The following KIAA1958 variants were observed in gnomAD, a reference collection of about 807,000 sequenced individuals.
The protein encoded by KIAA1958 is KIAA1958, also known as uncharacterized protein KIAA1958.
In KIAA1958, 14 loss-of-function variants were observed where a neutral mutation model predicts 47.2. The observed-to-expected ratio is 0.30, with a 90% CI of 0.20 to 0.46. The LOEUF is 0.46. Among genes scored for constraint, KIAA1958 ranks in the 20% least tolerant of loss-of-function variants. KIAA1958 has a pLI of 1.00. For synonymous variants in KIAA1958, 354 were observed against 353.3 expected, an observed-to-expected ratio of 1.00 and a Z score of -0.02; for missense variants, 803 against 909.2, an observed-to-expected ratio of 0.88 and a Z score of 1.50.
intron 1 of KIAA1958, among the ~76,000 whole-genome samples, chr9:112,513,195 G>A (rs1472534736): frequency 7.1e-6 from 1 of 140,752 alleles, no homozygotes; most frequent in Non-Finnish European, 1.5e-5. Context: ...AGTAGAGACG[G>A]GGTTTCACCA....
chr9:112,605,474 C>T (rs1009485034), intron 2 of KIAA1958, among the ~76,000 whole-genome samples: 4 of 152,078 alleles, frequency 2.6e-5, no homozygotes, highest in Non-Finnish European at 4.4e-5. Context: ...TCAGCCCAGC[C>T]CCTGCCCTTC....
rs1836437391 is a variant in KIAA1958 at position 112,618,061 on chromosome 9, G to A, written c.1172-27589G>A. ...CCTCTTTCTTTGTTGATGCCAGGCA[G>A]AAGGATGGGTCCGAATACGAACCCA... On this transcript the variant is annotated intron_variant, in intron 2 of 3. Coordinates refer to ENST00000337530, the MANE Select transcript of KIAA1958 (RefSeq NM_133465.4). This position sits in a 1 kb window ranked among gnomAD's most constrained non-coding sequence, Gnocchi z 7.1. The A allele has an allele frequency of 6.4e-7, 1 of 1,550,616 alleles. No homozygotes were observed. Among genetic ancestry groups the A allele is most frequent in the Non-Finnish European group, 8.7e-7 (1 of 1,147,012 alleles).
At chr9:112,544,156 C>CT (rs1834990758) in intron 1 of KIAA1958, among the ~76,000 whole-genome samples, 1 of 151,986 alleles carries the variant, frequency 6.6e-6, no homozygotes, top group African/African-American at 2.4e-5. Flanking sequence ...TTGTTTAGCC[C>CT]TTTTCTTATC....
At chr9:112,600,858 T>C (rs2131199601) in intron 2 of KIAA1958, among the ~76,000 whole-genome samples, 1 of 152,344 alleles carries the variant, frequency 6.6e-6, no homozygotes, top group South Asian at 2.1e-4. Flanking sequence ...GACTTATATG[T>C]CCAACACTGA....
At chr9:112,593,164 CAA>C in intron 2 of KIAA1958, among the ~76,000 whole-genome samples, 1 of 152,182 alleles carries the variant, frequency 6.6e-6, no homozygotes, top group South Asian at 2.1e-4. Flanking sequence ...AAATTAAAAA[CAA>C]AATCTTTTTA....
chr9:112,535,076 C>T (rs1194974260), intron 1 of KIAA1958, among the ~76,000 whole-genome samples: 2 of 152,168 alleles, frequency 1.3e-5, no homozygotes, highest in Non-Finnish European at 2.9e-5. Context: ...AGTAACATCT[C>T]TATTACCTTA....
At chr9:112,647,283 G>A (rs569562427) in intron 3 of KIAA1958, among the ~76,000 whole-genome samples, 1 of 152,254 alleles carries the variant, frequency 6.6e-6, no homozygotes, top group South Asian at 2.1e-4. Flanking sequence ...ATGAGCTGAT[G>A]AATCCTTGAT....
intron 1 of KIAA1958, among the ~76,000 whole-genome samples, chr9:112,511,250 G>T (rs1388160081): frequency 6.6e-6 from 1 of 152,146 alleles, no homozygotes; most frequent in Non-Finnish European, 1.5e-5. Context: ...CACATTCTTG[G>T]GATCCATCCC....
chr9:112,553,752 A>G (rs1588015378), intron 1 of KIAA1958, among the ~76,000 whole-genome samples: 1 of 152,180 alleles, frequency 6.6e-6, no homozygotes, highest in Non-Finnish European at 1.5e-5. Flanking sequence ...CTTATCACAC[A>G]GTGTTGATAA....
At chr9:112,529,119 A>G (rs889858439) in intron 1 of KIAA1958, among the ~76,000 whole-genome samples, 1 of 152,256 alleles carries the variant, frequency 6.6e-6, no homozygotes, top group African/African-American at 2.4e-5. Context: ...GGGAGTGAAC[A>G]AAACAATTCC....
intron 1 of KIAA1958, among the ~76,000 whole-genome samples, chr9:112,525,203 T>G (rs1026307927): frequency 1.1e-4 from 17 of 152,238 alleles, no homozygotes; most frequent in Non-Finnish European, 2.4e-4. Context: ...GACTCTTTAA[T>G]TGTTGTGTCA....
At chr9:112,524,311 T>C (rs1294207987) in intron 1 of KIAA1958, among the ~76,000 whole-genome samples, 1 of 152,208 alleles carries the variant, frequency 6.6e-6, no homozygotes, top group African/African-American at 2.4e-5. Flanking sequence ...TTGACTCTCT[T>C]TTGTGTATTG....
intron 1 of KIAA1958, among the ~76,000 whole-genome samples, chr9:112,490,471 G>C (rs1224596052): frequency 4.6e-5 from 7 of 152,130 alleles, no homozygotes; most frequent in Non-Finnish European, 1.0e-4. Flanking sequence ...GAATTCTTTT[G>C]CTAGACTGAA....
At chr9:112,515,755 CG>C (rs773855125) in intron 1 of KIAA1958, among the ~76,000 whole-genome samples, 1 of 97,216 alleles carries the variant, frequency 1.0e-5, no homozygotes, top group Non-Finnish European at 2.0e-5. Context: ...TGCGGAAGGC[CG>C]CAGGGTCCTC....
intron 2 of KIAA1958, among the ~76,000 whole-genome samples, chr9:112,627,998 T>C (rs1020628500): frequency 3.9e-5 from 6 of 152,196 alleles, no homozygotes; most frequent in African/African-American, 9.7e-5. Flanking sequence ...TTTCAACATA[T>C]TGACTCTACT....
chr9:112,632,731 T>C (rs1158099123), intron 2 of KIAA1958, among the ~76,000 whole-genome samples: 2 of 152,168 alleles, frequency 1.3e-5, no homozygotes, highest in Non-Finnish European at 2.9e-5. Context: ...TTATGTTTTA[T>C]AAGTATTTTC....
intron 1 of KIAA1958, among the ~76,000 whole-genome samples, chr9:112,517,487 A>AT (rs1462164208): frequency 1.3e-5 from 2 of 152,220 alleles, no homozygotes; most frequent in Non-Finnish European, 2.9e-5. Context: ...ATATTGTAAA[A>AT]TTTCTGGAAT....
chr9:112,563,473 A>AT (rs1470718893), intron 1 of KIAA1958, among the ~76,000 whole-genome samples: 2 of 152,124 alleles, frequency 1.3e-5, no homozygotes, highest in Non-Finnish European at 2.9e-5. Flanking sequence ...CTTGGCATAT[A>AT]TTTTGGCACT....
chr9:112,518,509 G>A (rs897892473), intron 1 of KIAA1958, among the ~76,000 whole-genome samples: 1 of 152,186 alleles, frequency 6.6e-6, no homozygotes, highest in Non-Finnish European at 1.5e-5. Context: ...TCTAGAAAAT[G>A]CAAACTAATT....
Sources: gnomAD v4.1 joint callset for allele counts (sites outside exome capture counted in the v4.1 genomes callset) on GRCh38, gnomAD v4.1.1 for gene constraint, Gnocchi (gnomAD v3.1) non-coding constraint, MANE v1.5 for transcripts, NCBI Gene and HGNC (gene_info 2026-07-23, HGNC 2026-07-21) for gene names.